The following R3HDM2 variants were observed in gnomAD, a reference collection of about 807,000 sequenced individuals.
R3HDM2 encodes the protein R3H domain-containing protein 2.
R3HDM2 carries 38 observed loss-of-function variants against 124.5 expected under a neutral mutation model. The ratio of observed to expected loss-of-function variants is 0.31; its 90% confidence interval spans 0.24 to 0.40. The LOEUF is 0.40. Ranked by LOEUF, R3HDM2 falls within the 10% of genes least tolerant of loss-of-function variation. The probability of loss-of-function intolerance (pLI) is 1.00; values close to 1 mark genes in which losing one functional copy is unlikely to be tolerated. For synonymous variants in R3HDM2, 391 were observed against 448.0 expected, an observed-to-expected ratio of 0.87 and a Z score of 1.61; for missense variants, 869 against 1,236.9, an observed-to-expected ratio of 0.70 and a Z score of 4.46.
chr12:57,299,323 AC>A (rs561355089), intron 6 of R3HDM2, 28 bp downstream of exon 6: 49 of 1,534,586 alleles, frequency 3.2e-5, no homozygotes, highest in Admixed American at 2.4e-4. Context: ...CTGCCCTAGA[AC>A]AGATGAGAGA....
At chr12:57,309,340 C>G (rs2053436219) in intron 3 of R3HDM2, among the ~76,000 whole-genome samples, 1 of 152,156 alleles carries the variant, frequency 6.6e-6, no homozygotes, top group African/African-American at 2.4e-5. Flanking sequence ...CAGAAGAAAC[C>G]AGCAGTGACC....
chr12:57,291,865 AG>A (rs2048719178), intron 11 of R3HDM2, among the ~76,000 whole-genome samples: 1 of 152,152 alleles, frequency 6.6e-6, no homozygotes, highest in Non-Finnish European at 1.5e-5. Context: ...TCAATCTGGT[AG>A]GCAAAGGCAA....
intron 14 of R3HDM2, among the ~76,000 whole-genome samples, chr12:57,270,813 C>T (rs914704391): frequency 6.6e-6 from 1 of 152,136 alleles, no homozygotes; most frequent in Non-Finnish European, 1.5e-5. Flanking sequence ...AAGTGATCAG[C>T]CCGCCTCAGC....
intron 12 of R3HDM2, among the ~76,000 whole-genome samples, chr12:57,287,418 C>T (rs2047599408): frequency 6.6e-6 from 1 of 152,066 alleles, no homozygotes; most frequent in South Asian, 2.1e-4. Flanking sequence ...TCTCTACTAC[C>T]ACCAACAATG....
intron 2 of R3HDM2, among the ~76,000 whole-genome samples, chr12:57,385,575 C>A (rs1424997304): frequency 6.6e-6 from 1 of 151,780 alleles, no homozygotes. Flanking sequence ...GGTGGTGGCA[C>A]ACACCTGTGG....
chr12:57,272,572 G>A (rs1293924293), intron 14 of R3HDM2: 1 of 1,150,234 alleles, frequency 8.7e-7, no homozygotes, highest in Non-Finnish European at 1.1e-6. Context: ...CCAGCAGAGA[G>A]GCATGTGGAA....
intron 1 of R3HDM2, among the ~76,000 whole-genome samples, chr12:57,422,071 G>A (rs2070263316): frequency 1.5e-5 from 2 of 132,162 alleles, no homozygotes; most frequent in Non-Finnish European, 3.1e-5. Context: ...CAGCCTGGGA[G>A]ACAGAGGGAG....
chr12:57,399,384 AGAGT>A (rs2067851903), intron 1 of R3HDM2, among the ~76,000 whole-genome samples: 2 of 152,280 alleles, frequency 1.3e-5, no homozygotes, highest in Admixed American at 6.5e-5. Context: ...CCTGGGCAAC[AGAGT>A]GAGACTCTGT....
intron 2 of R3HDM2, among the ~76,000 whole-genome samples, chr12:57,321,697 C>A (rs1029571866): frequency 1.3e-5 from 2 of 151,962 alleles, no homozygotes; most frequent in African/African-American, 4.8e-5. Context: ...GATCTCAAAA[C>A]TACTATGATA....
intron 2 of R3HDM2, among the ~76,000 whole-genome samples, chr12:57,374,214 A>C (rs1375969507): frequency 6.6e-6 from 1 of 152,140 alleles, no homozygotes; most frequent in Non-Finnish European, 1.5e-5. Flanking sequence ...GCTACTCAGA[A>C]GGCTGAGGTG....
intron 1 of R3HDM2, among the ~76,000 whole-genome samples, chr12:57,420,817 T>G (rs1021365176): frequency 6.6e-6 from 1 of 152,066 alleles, no homozygotes; most frequent in African/African-American, 2.4e-5. Context: ...TCACTTCAAC[T>G]ACAACGTATA....
chr12:57,336,690 G>A (rs1353253808), intron 2 of R3HDM2, among the ~76,000 whole-genome samples: 1 of 151,984 alleles, frequency 6.6e-6, no homozygotes, highest in African/African-American at 2.4e-5. Flanking sequence ...GGAGGGAGAG[G>A]ACCAGAAAAG....
intron 2 of R3HDM2, among the ~76,000 whole-genome samples, chr12:57,321,809 G>A (rs1243510606): frequency 1.3e-5 from 2 of 152,112 alleles, no homozygotes; most frequent in Non-Finnish European, 2.9e-5. Flanking sequence ...CTAACCTACA[G>A]TGATCACAAT....
chr12:57,420,266 CCTCT>C (rs909531082), intron 1 of R3HDM2, among the ~76,000 whole-genome samples: 23 of 152,058 alleles, frequency 1.5e-4, no homozygotes, highest in Non-Finnish European at 2.8e-4. Context: ...TAATTACTGT[CCTCT>C]CTCTCCATCT....
intron 1 of R3HDM2, among the ~76,000 whole-genome samples, chr12:57,403,769 A>G (rs1177435910): frequency 2.0e-5 from 3 of 151,670 alleles, no homozygotes; most frequent in Non-Finnish European, 4.4e-5. Context: ...CAGTGAGCCA[A>G]GATGATGCCA....
intron 2 of R3HDM2, among the ~76,000 whole-genome samples, chr12:57,342,658 C>A (rs2059687128): frequency 1.3e-5 from 2 of 152,120 alleles, no homozygotes; most frequent in African/African-American, 4.8e-5. Flanking sequence ...GTCGAAATAC[C>A]AAAATAGTCT....
At position 57,269,423 on chromosome 12, in the gene R3HDM2, TCCAGGGGGATA is replaced by T; in HGVS notation, c.1603_1613del (p.Tyr535ThrfsTer4). ...ATTGCTGGTTGGAGTTAGGATATTG[TCCAGGGGGATA>T]GTAAGAAACCTGGATCTATGGTGAG... On this transcript the variant is annotated frameshift_variant, in exon 16 of 24. Coordinates refer to ENST00000402412, the MANE Select transcript of R3HDM2 (RefSeq NM_001394031.1). LOFTEE classifies it high-confidence loss of function. The T allele has an allele frequency of 6.2e-7, 1 of 1,614,098 alleles. No individual in the cohort carries two copies. Among genetic ancestry groups the T allele is most frequent in the Non-Finnish European group, 8.5e-7 (1 of 1,180,012 alleles).
intron 1 of R3HDM2, 134 bp downstream of exon 1, chr12:57,430,586 C>G: frequency 1.0e-6 from 1 of 984,992 alleles, no homozygotes; most frequent in Non-Finnish European, 1.2e-6. Context: ...CCTGACCCAT[C>G]GTCCCCGGGA....
At chr12:57,364,143 CTTT>C (rs11320875) in intron 2 of R3HDM2, among the ~76,000 whole-genome samples, 43,112 of 82,618 alleles carry the variant, frequency 0.52, 7,956 homozygotes, top group Middle Eastern at 0.71. Context: ...GACTCGGTGT[CTTT>C]TTTTTTTTTT....
Sources: allele counts gnomAD v4.1 joint callset (sites outside exome capture counted in the v4.1 genomes callset), GRCh38; gene constraint gnomAD v4.1.1; transcripts MANE v1.5; gene names NCBI Gene and HGNC (gene_info 2026-07-23, HGNC 2026-07-21).